GALNT17: variants seen among roughly 807,000 people sequenced by gnomAD.
The protein encoded by GALNT17 is polypeptide N-acetylgalactosaminyltransferase 17.
In GALNT17, 29 loss-of-function variants were observed where a neutral mutation model predicts 63.7. The observed-to-expected ratio is 0.46, with a 90% CI of 0.34 to 0.62. The LOEUF (loss-of-function observed/expected upper bound fraction) is 0.62, where lower values mean the gene tolerates loss of function less well. GALNT17 is among the 20% of genes least tolerant of loss of function. GALNT17 has a pLI of 0.01. For synonymous variants in GALNT17, 305 were observed against 318.3 expected, an observed-to-expected ratio of 0.96 and a Z score of 0.45; for missense variants, 603 against 799.6, an observed-to-expected ratio of 0.75 and a Z score of 2.97.
intron 5 of GALNT17, among the ~76,000 whole-genome samples, chr7:71,509,167 G>C (rs1224110516): frequency 6.6e-6 from 1 of 152,174 alleles, no homozygotes; most frequent in Non-Finnish European, 1.5e-5. Context: ...TTTCAATACA[G>C]TATTCAATAA....
At chr7:71,477,965 T>C (rs1333494969) in intron 5 of GALNT17, among the ~76,000 whole-genome samples, 1 of 152,166 alleles carries the variant, frequency 6.6e-6, no homozygotes, top group Non-Finnish European at 1.5e-5. Flanking sequence ...AGTCCTTTCT[T>C]TGTTAAGAAT....
chr7:71,406,114 G>A (rs139072832), intron 3 of GALNT17, among the ~76,000 whole-genome samples: 49 of 152,294 alleles, frequency 3.2e-4, no homozygotes, highest in African/African-American at 1.2e-3. Flanking sequence ...GCTGACTAGT[G>A]TTCTGGAGTG....
intron 6 of GALNT17, among the ~76,000 whole-genome samples, chr7:71,659,155 A>G (rs1204563519): frequency 6.6e-6 from 1 of 152,110 alleles, no homozygotes; most frequent in Non-Finnish European, 1.5e-5. Context: ...TACCTCTCCA[A>G]TATTTTCCAC....
chr7:71,236,292 T>A (rs745745393), intron 1 of GALNT17, among the ~76,000 whole-genome samples: 3 of 152,090 alleles, frequency 2.0e-5, no homozygotes, highest in Non-Finnish European at 4.4e-5. Flanking sequence ...TGCTACCCTA[T>A]CTCAGGGTAT....
chr7:71,452,199 C>T (rs1787274579), intron 5 of GALNT17, among the ~76,000 whole-genome samples: 2 of 151,750 alleles, frequency 1.3e-5, no homozygotes, highest in African/African-American at 4.8e-5. Context: ...GGTATGATTT[C>T]ACCACTGCAC....
chr7:71,710,009 G>A lies in GALNT17; in HGVS notation c.1501-752G>A, dbSNP rs561824414. ...TGTTTCTTCAGTGAATGGCTTCTTT[G>A]AGCCTTTTGCAGCAGGGTAGATTTA... On this transcript the variant is annotated intron_variant, in intron 9 of 10. Coordinates refer to ENST00000333538, the MANE Select transcript of GALNT17 (RefSeq NM_022479.3). 2.0e-5 allele frequency among the ~76,000 whole-genome samples: 3 copies of A among 152,272 alleles called. No homozygotes were observed. The East Asian group carries it at 5.8e-4, about 29-fold the overall frequency.
chr7:71,619,937 G>A (rs548930332), intron 6 of GALNT17, among the ~76,000 whole-genome samples: 13 of 152,240 alleles, frequency 8.5e-5, no homozygotes, highest in South Asian at 8.3e-4. Context: ...GTCATAGATG[G>A]CTCTTATTAT....
chr7:71,149,210 C>T (rs1054838644), intron 1 of GALNT17, among the ~76,000 whole-genome samples: 8 of 152,250 alleles, frequency 5.3e-5, no homozygotes, highest in Non-Finnish European at 8.8e-5. Flanking sequence ...TGCACCACCA[C>T]GCCTGGCTAA....
At chr7:71,537,117 A>G (rs1291917518) in intron 5 of GALNT17, among the ~76,000 whole-genome samples, 2 of 152,156 alleles carry the variant, frequency 1.3e-5, no homozygotes, top group African/African-American at 2.4e-5. Context: ...AAGTGCCTCC[A>G]CTTCTTCAGC....
At chr7:71,673,338 C>CT (rs1456335067) in intron 8 of GALNT17, among the ~76,000 whole-genome samples, 2 of 151,938 alleles carry the variant, frequency 1.3e-5, no homozygotes, top group African/African-American at 4.8e-5. Context: ...TATTTTATAG[C>CT]TGTTATAAAT....
chr7:71,352,743 C>T (rs1318594412), intron 2 of GALNT17, among the ~76,000 whole-genome samples: 2 of 151,736 alleles, frequency 1.3e-5, no homozygotes, highest in African/African-American at 4.8e-5. Flanking sequence ...CTGTGCCACT[C>T]CAAAATTTAG....
At chr7:71,311,935 T>C (rs1791420698) in intron 1 of GALNT17, among the ~76,000 whole-genome samples, 1 of 152,184 alleles carries the variant, frequency 6.6e-6, no homozygotes, top group Admixed American at 6.5e-5. Context: ...CTGGACCGGA[T>C]TGAAGACTGG....
intron 1 of GALNT17, among the ~76,000 whole-genome samples, chr7:71,311,108 C>T (rs892444636): frequency 7.9e-5 from 12 of 152,190 alleles, no homozygotes; most frequent in African/African-American, 2.9e-4. Flanking sequence ...TATTTATAAC[C>T]TGAGCTGCAG....
At chr7:71,502,214 C>G (rs1192922961) in intron 5 of GALNT17, among the ~76,000 whole-genome samples, 1 of 152,216 alleles carries the variant, frequency 6.6e-6, no homozygotes, top group Admixed American at 6.5e-5. Flanking sequence ...GTGTCTATTC[C>G]TCACCACCCA....
chr7:71,593,293 G>A (rs1453287911), intron 6 of GALNT17, among the ~76,000 whole-genome samples: 1 of 112,636 alleles, frequency 8.9e-6, no homozygotes, highest in Non-Finnish European at 1.7e-5. Context: ...TGAGACAGGA[G>A]TCTCACTCTG....
chr7:71,397,877 A>G (rs1258754405), intron 3 of GALNT17, among the ~76,000 whole-genome samples: 1 of 152,194 alleles, frequency 6.6e-6, no homozygotes, highest in Admixed American at 6.5e-5. Context: ...TAGGTGAATG[A>G]TGGTGTCGTT....
At chr7:71,682,471 G>T (rs1040944431) in intron 9 of GALNT17, among the ~76,000 whole-genome samples, 3 of 152,178 alleles carry the variant, frequency 2.0e-5, no homozygotes, top group African/African-American at 7.2e-5. Context: ...CTTCTGCCCA[G>T]TGGGAACCTG....
At chr7:71,555,232 G>C (rs1319122858) in intron 5 of GALNT17, among the ~76,000 whole-genome samples, 1 of 151,126 alleles carries the variant, frequency 6.6e-6, no homozygotes, top group Non-Finnish European at 1.5e-5. Flanking sequence ...TTCATCATGA[G>C]ATTTGGAAGG....
intron 3 of GALNT17, among the ~76,000 whole-genome samples, chr7:71,393,200 C>T (rs968324705): frequency 3.3e-5 from 5 of 152,122 alleles, no homozygotes; most frequent in Non-Finnish European, 7.4e-5. Context: ...GTAATGCTCT[C>T]TTTATCTTAG....
Sources: allele counts gnomAD v4.1 joint callset (sites outside exome capture counted in the v4.1 genomes callset), GRCh38; gene constraint gnomAD v4.1.1; transcripts MANE v1.5; gene names NCBI Gene and HGNC (gene_info 2026-07-23, HGNC 2026-07-21).